The following FHIT variants were observed in gnomAD, a reference collection of about 807,000 sequenced individuals.
FHIT encodes bis(5'-adenosyl)-triphosphatase.
Under a neutral mutation model 17.9 loss-of-function variants are expected in FHIT, and 19 were observed. That is an observed-to-expected ratio of 1.06 (90% CI 0.74 to 1.56). The LOEUF (loss-of-function observed/expected upper bound fraction) is 1.56, where lower values mean the gene tolerates loss of function less well. FHIT is among the 40% of genes most tolerant of loss of function. The probability of loss-of-function intolerance (pLI) is 0.00; values close to 1 mark genes in which losing one functional copy is unlikely to be tolerated. For synonymous variants in FHIT, 81 were observed against 69.7 expected (o/e 1.16, Z -0.81); for missense variants, 248 against 189.2 (o/e 1.31, Z -1.82).
chr3:60,114,032 AAAAAATATATATATATATATATATATAT>A (rs1704820452), intron 5 of FHIT, among the ~76,000 whole-genome samples: 2 of 16,720 alleles, frequency 1.2e-4, no homozygotes, highest in Non-Finnish European at 3.4e-4. Context: ...AAAAAAAAAA[AAAAAATATATATATATATATATATATAT>A]ATATATATAT....
intron 8 of FHIT, among the ~76,000 whole-genome samples, chr3:59,879,919 ACC>A (rs1234624847): frequency 1.3e-3 from 106 of 83,074 alleles, no homozygotes; most frequent in Non-Finnish European, 2.3e-3. Flanking sequence ...CATTTCCCCC[ACC>A]CCCCCCCCCC....
intron 4 of FHIT, among the ~76,000 whole-genome samples, chr3:60,555,596 C>T (rs764433906): frequency 2.6e-5 from 4 of 152,170 alleles, no homozygotes; most frequent in Non-Finnish European, 5.9e-5. Flanking sequence ...TTCTCTTCAT[C>T]GTTTTTTCAT....
chr3:60,822,873 G>A (rs1701975244), intron 3 of FHIT, among the ~76,000 whole-genome samples: 1 of 152,106 alleles, frequency 6.6e-6, no homozygotes, highest in Admixed American at 6.5e-5. Context: ...CCCCTAACTG[G>A]CTGGTTCCTC....
chr3:60,735,889 A>T (rs1553712456), intron 4 of FHIT, among the ~76,000 whole-genome samples: 1 of 152,186 alleles, frequency 6.6e-6, no homozygotes, highest in African/African-American at 2.4e-5. Context: ...TAAGTGAGAG[A>T]ACTTAAATTC....
chr3:61,240,875 C>G (rs1460593035), intron 1 of FHIT, among the ~76,000 whole-genome samples: 6 of 151,798 alleles, frequency 4.0e-5, no homozygotes, highest in Admixed American at 3.9e-4. Flanking sequence ...TGGCACAGGC[C>G]TTGGTACCTC....
rs1373952069 is a variant in FHIT at position 60,851,015 on chromosome 3, A to G, written c.-110-29004T>C. On this transcript the variant is annotated intron_variant, in intron 3 of 9. Transcript: ENST00000492590. ...TCACTCCCATATACACACATACACAAAGGAAAGCTCACATTTGCATTCCAG... is the reference window on the plus strand; with the variant it reads ...TCACTCCCATATACACACATACACAGAGGAAAGCTCACATTTGCATTCCAG... Among the ~76,000 whole-genome samples the G allele has an allele frequency of 3.3e-5, 5 of 152,226 alleles. 1 individual carries two copies. Among genetic ancestry groups the G allele is most frequent in the Non-Finnish European group, 7.4e-5 (5 of 68,020 alleles).
At chr3:60,941,845 T>C (rs1553774612) in intron 3 of FHIT, among the ~76,000 whole-genome samples, 2 of 152,186 alleles carry the variant, frequency 1.3e-5, no homozygotes, top group Non-Finnish European at 2.9e-5. Flanking sequence ...CCTGGATAAT[T>C]TCTACCCATT....
At position 61,006,520 on chromosome 3, in the gene FHIT, T is replaced by C. The variant is rs556081359; in HGVS notation, c.-111+35527A>G. Reference sequence around the variant, plus strand: ...TGTAATGAGACATTACCAACTTTTATGTATAAAATTTCCTTTCTGAAAAAA... The same window carrying C: ...TGTAATGAGACATTACCAACTTTTACGTATAAAATTTCCTTTCTGAAAAAA... On this transcript the variant is annotated intron_variant, in intron 3 of 9. Transcript: ENST00000492590. 9.3e-4 allele frequency among the ~76,000 whole-genome samples: 141 copies of C among 152,068 alleles called. 1 individual carries two copies. The highest frequency in any genetic ancestry group is 3.3e-3 in the African/African-American group (138 of 41,494).
chr3:60,605,780 T>A (rs1454946586), intron 4 of FHIT, among the ~76,000 whole-genome samples: 1 of 152,204 alleles, frequency 6.6e-6, no homozygotes, highest in East Asian at 1.9e-4. Flanking sequence ...TTCTTGCCTA[T>A]GAGAGTTTTG....
At chr3:59,832,961 G>A (rs1030882131) in intron 8 of FHIT, among the ~76,000 whole-genome samples, 1 of 152,196 alleles carries the variant, frequency 6.6e-6, no homozygotes, top group African/African-American at 2.4e-5. Context: ...ATGATTATGT[G>A]AGCCAAGACA....
chr3:60,016,106 C>G (rs1415414619), intron 5 of FHIT, among the ~76,000 whole-genome samples: 3 of 152,150 alleles, frequency 2.0e-5, no homozygotes, highest in Non-Finnish European at 4.4e-5. Flanking sequence ...ACATTTACTT[C>G]TGGATCCTGT....
intron 5 of FHIT, among the ~76,000 whole-genome samples, chr3:60,417,954 C>T (rs1702313600): frequency 6.6e-6 from 1 of 152,146 alleles, no homozygotes; most frequent in African/African-American, 2.4e-5. Context: ...ATGTCATCAA[C>T]TCAGAGTTTC....
chr3:61,001,063 G>A (rs182502985), intron 3 of FHIT, among the ~76,000 whole-genome samples: 8 of 151,584 alleles, frequency 5.3e-5, no homozygotes, highest in African/African-American at 9.7e-5. Flanking sequence ...AAAAATATTC[G>A]ACATCATTAG....
At chr3:61,145,197 T>G (rs972369790) in intron 2 of FHIT, among the ~76,000 whole-genome samples, 1 of 152,136 alleles carries the variant, frequency 6.6e-6, no homozygotes, top group Non-Finnish European at 1.5e-5. Context: ...TGATCCATAT[T>G]GAGCTAATTG....
At chr3:61,147,346 A>C (rs1185948717) in intron 2 of FHIT, among the ~76,000 whole-genome samples, 1 of 152,026 alleles carries the variant, frequency 6.6e-6, no homozygotes, top group Non-Finnish European at 1.5e-5. Flanking sequence ...ACTGCAAATT[A>C]TGTTGCTTTG....
chr3:60,695,142 C>A (rs2107894726), intron 4 of FHIT, among the ~76,000 whole-genome samples: 1 of 152,240 alleles, frequency 6.6e-6, no homozygotes. Context: ...CTCTTGTAAT[C>A]CCAGCACTAT....
chr3:61,019,112 T>C (rs2032269251), intron 3 of FHIT, among the ~76,000 whole-genome samples: 1 of 150,950 alleles, frequency 6.6e-6, no homozygotes, highest in Middle Eastern at 3.5e-3. Flanking sequence ...GGAGAAATCT[T>C]TCTTAGAAGG....
At chr3:60,899,351 G>A (rs2107215351) in intron 3 of FHIT, among the ~76,000 whole-genome samples, 1 of 152,228 alleles carries the variant, frequency 6.6e-6, no homozygotes, top group East Asian at 1.9e-4. Flanking sequence ...CTCGAACTTA[G>A]CTAATATAAC....
At chr3:60,522,945 C>A (rs1315002439) in intron 5 of FHIT, among the ~76,000 whole-genome samples, 1 of 152,100 alleles carries the variant, frequency 6.6e-6, no homozygotes, top group Non-Finnish European at 1.5e-5. Flanking sequence ...ACTCATAGTT[C>A]CACGTGGCTG....
Sources: allele counts gnomAD v4.1 joint callset (sites outside exome capture counted in the v4.1 genomes callset), GRCh38; gene constraint gnomAD v4.1.1; transcripts MANE v1.5; gene names NCBI Gene and HGNC (gene_info 2026-07-23, HGNC 2026-07-21).